Variants in ABCB8 observed in about 807,000 individuals in gnomAD.
The protein encoded by ABCB8 is ATP binding cassette subfamily B member 8.
In ABCB8, 52 loss-of-function variants were observed where a neutral mutation model predicts 73.0. The observed-to-expected ratio is 0.71, with a 90% CI of 0.57 to 0.90. The LOEUF (loss-of-function observed/expected upper bound fraction) is 0.90. Among genes scored for constraint, ABCB8 ranks in the 40% least tolerant of loss-of-function variants. The pLI is 0.00. For missense variants in ABCB8, 909 were observed against 974.6 expected (o/e 0.93, Z 0.90); for synonymous variants, 428 against 423.5 (o/e 1.01, Z -0.13).
rs1469549 is a variant in ABCB8 at position 151,037,894 on chromosome 7, G to A, written c.1217+1245G>A. ...CTGCATGGACACCCTCGCGTGCCCC[G>A]TTTCTGCTCGTGCTCCCTAATCTGA... On this transcript the variant is annotated intron_variant, in intron 9 of 15. Coordinates refer to ENST00000358849, the MANE Select transcript of ABCB8 (RefSeq NM_007188.5). 429 of 163,268 alleles carry A rather than the reference G, an allele frequency of 2.6e-3. 19 individuals are homozygous for A. The East Asian group carries it at 0.068, about 26-fold the overall frequency. The allele number at this position is 163,268 out of a possible 1,614,324, so 10.1% of individuals were successfully genotyped here.
intron 9 of ABCB8, chr7:151,038,833 T>C (rs1245142701): frequency 6.6e-6 from 1 of 152,256 alleles, no homozygotes; most frequent in Admixed American, 6.5e-5. Context: ...GTGGAGATTC[T>C]TCCCCACTCA....
intron 13 of ABCB8, 51 bp downstream of exon 13, chr7:151,041,283 G>A: frequency 1.3e-6 from 2 of 1,546,748 alleles, no homozygotes; most frequent in Non-Finnish European, 1.7e-6. Flanking sequence ...TCCTCCCCTG[G>A]GCCCTGCCCC....
intron 9 of ABCB8, chr7:151,037,360 AG>A (rs1291347480): frequency 1.4e-6 from 1 of 701,752 alleles, no homozygotes; most frequent in African/African-American, 1.7e-5. Flanking sequence ...TGCCACTTCC[AG>A]GGATGACAAG....
At position 151,034,582 on chromosome 7, in the gene ABCB8, C is replaced by CT. The variant is rs764060055; in HGVS notation, c.644dup (p.Ser216GlnfsTer12). On this transcript the variant is annotated frameshift_variant, in exon 4 of 16. Transcript: ENST00000358849. LOFTEE classifies it high-confidence loss of function. ...TGGCTGTGGACATGCGGAGGGCCCT[C>CT]TTCAGCTCCCTGCTCCGGTACTGCC... 1.2e-6 allele frequency: 2 copies of CT among 1,613,788 alleles called. No individual in the cohort carries two copies. Among genetic ancestry groups the CT allele is most frequent in the South Asian group, 2.2e-5 (2 of 91,088 alleles).
At chr7:151,032,618 C>T (rs1342238394) in intron 1 of ABCB8, among the ~76,000 whole-genome samples, 3 of 151,374 alleles carry the variant, frequency 2.0e-5, no homozygotes, top group South Asian at 2.1e-4. Flanking sequence ...CTCTTGAACC[C>T]GGGAGGCAGA....
Position 151,045,412 on chromosome 7 carries a change from G to A in ABCB8, c.*63G>A. 1 of 1,413,518 alleles carries A rather than the reference G, an allele frequency of 7.1e-7. No individual in the cohort carries two copies. The highest frequency in any genetic ancestry group is 2.9e-5 in the Admixed American group (1 of 34,220). The allele number at this position is 1,413,518 out of a possible 1,614,324, so 87.6% of individuals were successfully genotyped here. The stretch of plus-strand genomic sequence containing the variant: ...GTGTTAGGGCTGGGGCTCAGCCTGG[G>A]GGAGCCTACTGGGGACTGAGCCCCC... On this transcript the variant is annotated 3_prime_UTR_variant, in exon 16 of 16. Transcript: ENST00000358849.
chr7:151,030,229 A>G (rs1796122176), intron 1 of ABCB8, among the ~76,000 whole-genome samples: 1 of 152,252 alleles, frequency 6.6e-6, no homozygotes, highest in Non-Finnish European at 1.5e-5. Flanking sequence ...TTAAAAGTAA[A>G]TATAGGCTGG....
chr7:151,045,075 T>A, intron 15 of ABCB8, 134 bp from the exon 16 acceptor site: 1 of 1,160,998 alleles, frequency 8.6e-7, no homozygotes, highest in East Asian at 2.9e-5. Context: ...GGCATTGGTT[T>A]CAGAGTGTCC....
At position 151,042,087 on chromosome 7, in the gene ABCB8, G is replaced by A. The variant is rs565354105; in HGVS notation, c.1744G>A (p.Glu582Lys). The A allele has an allele frequency of 1.8e-4, 287 of 1,613,146 alleles. No individual in the cohort carries two copies. The highest frequency in any genetic ancestry group is 5.2e-4 in the African/African-American group (39 of 75,050). Residue 582 changes from glutamate (E) to lysine (K), a missense_variant, in exon 14 of 16, where the codon GAG (glutamate) becomes AAG (lysine). Physicochemically the swap from Glu to Lys is moderately conservative, Grantham distance 56. Transcript: ENST00000358849. ...TCACGAGTTCATCACCAGCTTCCCCGAGGGCTACAACACGGTCGTCGGTGG... is the reference window on the plus strand; with the variant it reads ...TCACGAGTTCATCACCAGCTTCCCCAAGGGCTACAACACGGTCGTCGGTGG... ...NAHEFITSFPEGYNTVVGERG... is the reference protein window; with the variant it reads ...NAHEFITSFPKGYNTVVGERG...
chr7:151,031,482 A>T lies in ABCB8; in HGVS notation c.96-2123A>T, dbSNP rs963653985. ...GGGATGTGAAAGGCCATGATGGTAA[A>T]GAGAAAAGCTCACACTACTCTTTTT... On this transcript the variant is annotated intron_variant, in intron 1 of 15. Coordinates refer to ENST00000358849, the MANE Select transcript of ABCB8 (RefSeq NM_007188.5). 83 of 676,218 alleles carry T rather than the reference A, an allele frequency of 1.2e-4. No homozygotes were observed. In the South Asian group the frequency reaches 2.2e-3, roughly 18 times the overall value. The allele number at this position is 676,218 out of a possible 1,614,324, so 41.9% of individuals were successfully genotyped here.
intron 15 of ABCB8, 92 bp from the exon 16 acceptor site, chr7:151,045,117 G>T: frequency 7.1e-7 from 1 of 1,403,230 alleles, no homozygotes; most frequent in Non-Finnish European, 9.4e-7. Context: ...GTGACCATGG[G>T]CCCAATGGCT....
chr7:151,045,009 A>T (rs990015309), intron 15 of ABCB8, among the ~76,000 whole-genome samples, 200 bp from the exon 16 acceptor site: 4 of 152,252 alleles, frequency 2.6e-5, no homozygotes, highest in Non-Finnish European at 5.9e-5. Context: ...AATTCAGCTA[A>T]GTAAGGAAGT....
intron 15 of ABCB8, 95 bp downstream of exon 15, chr7:151,044,316 TG>T: frequency 6.5e-7 from 1 of 1,531,484 alleles, no homozygotes. Context: ...AGTTGTGGCC[TG>T]GCCCCAGGGC....
At position 151,033,850 on chromosome 7, in the gene ABCB8, G is replaced by A. The variant is rs202138408; in HGVS notation, c.341G>A (p.Arg114His). Reference sequence around the variant, plus strand: ...TCCACACCCCATGTCGTGGGGTCTCGCTTTAACTGGAAGCTCTTCTGGCAG... The same window carrying A: ...TCCACACCCCATGTCGTGGGGTCTCACTTTAACTGGAAGCTCTTCTGGCAG... ...ASSTPHVVGS[R>H]FNWKLFWQFL... The change falls in exon 2 of 16, where the codon CGC becomes CAC. Residue 114 changes from arginine (R) to histidine (H), a missense_variant. Arg to His is a conservative substitution (Grantham distance 29). Coordinates refer to ENST00000358849, the MANE Select transcript of ABCB8 (RefSeq NM_007188.5). The A allele has an allele frequency of 7.7e-5, 124 of 1,613,406 alleles. No individual in the cohort carries two copies. In the Middle Eastern group the frequency reaches 9.9e-4, roughly 13 times the overall value.
intron 12 of ABCB8, 58 bp from the exon 13 acceptor site, chr7:151,041,040 CT>C: frequency 6.2e-7 from 1 of 1,612,360 alleles, no homozygotes. Context: ...AAGGGGCCTT[CT>C]TTCCTGGGAC....
Position 151,040,586 on chromosome 7 carries a change from C to T in ABCB8, c.1340C>T (p.Pro447Leu). Residue 447 changes from proline (P) to leucine (L), a missense_variant, in exon 11 of 16, where the codon CCC (proline) becomes CTC (leucine). Pro to Leu is a moderately conservative substitution (Grantham distance 98). Transcript: ENST00000358849. ...CIPLSGGCCV[P>L]KEQLRGSVTF... Reference sequence around the variant, plus strand: ...CCACTGTCTGGGGGCTGCTGCGTCCCCAAAGAGCAGCTGCGTGGCTCCGTT... The same window carrying T: ...CCACTGTCTGGGGGCTGCTGCGTCCTCAAAGAGCAGCTGCGTGGCTCCGTT... 1 of 1,613,326 alleles carries T rather than the reference C, an allele frequency of 6.2e-7. No individual in the cohort carries two copies. Among genetic ancestry groups the T allele is most frequent in the African/African-American group, 1.3e-5 (1 of 75,050 alleles).
chr7:151,033,344 G>T, intron 1 of ABCB8: 3 of 1,239,886 alleles, frequency 2.4e-6, no homozygotes, highest in Non-Finnish European at 3.2e-6. Flanking sequence ...GGCTGGCTGG[G>T]TGTTGCCTGA....
At position 151,040,613 on chromosome 7, in the gene ABCB8, C is replaced by T; in HGVS notation, c.1367C>T (p.Thr456Ile). The T allele has an allele frequency of 6.2e-7, 1 of 1,612,910 alleles. No individual in the cohort carries two copies. Among genetic ancestry groups the T allele is most frequent in the African/African-American group, 1.3e-5 (1 of 75,056 alleles). ...VPKEQLRGSV[T>I]FQNVCFSYPC... ...AAAGAGCAGCTGCGTGGCTCCGTTACATTTCAGAACGTCTGCTTCAGGTCA... is the reference window on the plus strand; with the variant it reads ...AAAGAGCAGCTGCGTGGCTCCGTTATATTTCAGAACGTCTGCTTCAGGTCA... Residue 456 changes from threonine to isoleucine, a missense_variant, in exon 11 of 16, where the codon ACA becomes ATA. By Grantham distance (89) the Thr-to-Ile change is moderately conservative. Coordinates refer to ENST00000358849, the MANE Select transcript of ABCB8 (RefSeq NM_007188.5).
chr7:151,031,160 C>T, intron 1 of ABCB8: 1 of 914,816 alleles, frequency 1.1e-6, no homozygotes, highest in Non-Finnish European at 1.7e-6. Flanking sequence ...ATGTGCTCAA[C>T]AAGCATAAAC....
Sources: gnomAD v4.1 joint callset for allele counts (sites outside exome capture counted in the v4.1 genomes callset) on GRCh38, gnomAD v4.1.1 for gene constraint, MANE v1.5 for transcripts, NCBI Gene and HGNC (gene_info 2026-07-23, HGNC 2026-07-21) for gene names.